Variants in ARHGAP24 observed in about 807,000 individuals in gnomAD.
The protein encoded by ARHGAP24 is rho GTPase-activating protein 24.
A neutral mutation model predicts 76.4 loss-of-function variants in ARHGAP24; 50 were observed. That is an observed-to-expected ratio of 0.65 (90% confidence interval 0.52 to 0.83). The LOEUF (loss-of-function observed/expected upper bound fraction) is 0.83. Ranked by LOEUF, ARHGAP24 falls within the 40% of genes least tolerant of loss-of-function variation. The pLI is 0.00. For synonymous variants in ARHGAP24, 345 were observed against 323.3 expected, an observed-to-expected ratio of 1.07 and a Z score of -0.72; for missense variants, 930 against 914.2, an observed-to-expected ratio of 1.02 and a Z score of -0.22.
intron 3 of ARHGAP24, among the ~76,000 whole-genome samples, chr4:85,742,528 G>A (rs767992137): frequency 1.1e-4 from 16 of 152,202 alleles, no homozygotes; most frequent in Admixed American, 7.2e-4. Context: ...ATGTATAGAC[G>A]TATAGATTGA....
At chr4:85,477,721 C>G (rs1722654506) in intron 1 of ARHGAP24, among the ~76,000 whole-genome samples, 1 of 152,092 alleles carries the variant, frequency 6.6e-6, no homozygotes, top group Admixed American at 6.5e-5. Flanking sequence ...ACCAACAGTT[C>G]CCTTAATATT....
intron 2 of ARHGAP24, among the ~76,000 whole-genome samples, chr4:85,612,564 A>G (rs568459200): frequency 3.3e-5 from 5 of 152,228 alleles, no homozygotes; most frequent in East Asian, 1.9e-4. Flanking sequence ...ACTAAAAGGA[A>G]TGCTTTTTAT....
chr4:85,676,636 G>A (rs1249312695), intron 2 of ARHGAP24, among the ~76,000 whole-genome samples: 1 of 151,990 alleles, frequency 6.6e-6, no homozygotes, highest in Non-Finnish European at 1.5e-5. Context: ...TGGCTCCCAA[G>A]GACCTATTGT....
At chr4:85,871,153 C>T (rs181409538) in intron 3 of ARHGAP24, among the ~76,000 whole-genome samples, 17 of 152,106 alleles carry the variant, frequency 1.1e-4, no homozygotes, top group Non-Finnish European at 1.5e-5. Flanking sequence ...GGTTTAACCC[C>T]TACAATTGTT....
chr4:85,577,491 A>G (rs574648090), intron 2 of ARHGAP24, among the ~76,000 whole-genome samples: 445 of 152,240 alleles, frequency 2.9e-3, no homozygotes, highest in Non-Finnish European at 4.5e-3. Flanking sequence ...ACATTTTGTT[A>G]GTTAGATAGT....
chr4:85,904,826 A>G (rs749234040), intron 3 of ARHGAP24, among the ~76,000 whole-genome samples: 24 of 152,228 alleles, frequency 1.6e-4, no homozygotes, highest in Non-Finnish European at 3.1e-4. Flanking sequence ...CTAAACTACT[A>G]AAAGTGCTCT....
intron 3 of ARHGAP24, among the ~76,000 whole-genome samples, chr4:85,805,087 G>A (rs17395916): frequency 0.26 from 40,281 of 152,078 alleles, 6,860 homozygotes; most frequent in Non-Finnish European, 0.39. Context: ...TAGCAAATAC[G>A]AATGCAAGTT....
intron 5 of ARHGAP24, among the ~76,000 whole-genome samples, chr4:85,948,130 CT>C (rs1248937723): frequency 6.6e-6 from 1 of 151,712 alleles, no homozygotes; most frequent in African/African-American, 2.4e-5. Context: ...ATCTCTTATT[CT>C]TATTACATCT....
chr4:85,596,582 C>CTGT (rs70948738), intron 2 of ARHGAP24, among the ~76,000 whole-genome samples: 81,642 of 151,488 alleles, frequency 0.54, 23,175 homozygotes, highest in Non-Finnish European at 0.64. Flanking sequence ...AGTTAAAATC[C>CTGT]TGTATGTGTT....
intron 2 of ARHGAP24, among the ~76,000 whole-genome samples, chr4:85,605,604 A>T (rs1720167335): frequency 6.6e-6 from 1 of 152,200 alleles, no homozygotes; most frequent in African/African-American, 2.4e-5. Flanking sequence ...GAAATGGAAA[A>T]TGCTTATGAG....
intron 3 of ARHGAP24, among the ~76,000 whole-genome samples, chr4:85,796,047 C>T (rs937341870): frequency 2.0e-5 from 3 of 152,136 alleles, no homozygotes; most frequent in Non-Finnish European, 4.4e-5. Flanking sequence ...AGGTATGCTG[C>T]ATGAAACATG....
At chr4:85,857,802 G>C (rs748352453) in intron 3 of ARHGAP24, among the ~76,000 whole-genome samples, 2 of 152,078 alleles carry the variant, frequency 1.3e-5, no homozygotes, top group Admixed American at 1.3e-4. Context: ...GGTTGCAGAG[G>C]GGGCAATAGA....
intron 3 of ARHGAP24, among the ~76,000 whole-genome samples, chr4:85,865,303 G>A (rs574158298): frequency 3.3e-4 from 50 of 151,786 alleles, no homozygotes; most frequent in Non-Finnish European, 5.2e-4. Flanking sequence ...TGAGTTGGCA[G>A]GTAAGGTAAA....
chr4:85,475,463 C>G lies in ARHGAP24; in HGVS notation c.-117C>G, dbSNP rs1722538899. ...GTGGAAAGTAAAGGAGCCTCACTACCACCTTTTTTTCTTTGCGTTTTCTTA... is the reference window on the plus strand; with the variant it reads ...GTGGAAAGTAAAGGAGCCTCACTACGACCTTTTTTTCTTTGCGTTTTCTTA... On this transcript the variant is annotated 5_prime_UTR_variant, in exon 1 of 10. Transcript: ENST00000395184. The G allele has an allele frequency of 6.5e-6, 1 of 152,708 alleles. No homozygotes were observed. Among genetic ancestry groups the G allele is most frequent in the African/African-American group, 2.4e-5 (1 of 41,426 alleles). 9.5% of individuals were successfully genotyped at this position (152,708 alleles called of 1,614,324 possible).
At chr4:85,794,368 A>G (rs1195832381) in intron 3 of ARHGAP24, among the ~76,000 whole-genome samples, 1 of 152,260 alleles carries the variant, frequency 6.6e-6, no homozygotes, top group Non-Finnish European at 1.5e-5. Flanking sequence ...TTGTAATATT[A>G]TTAAGCCAGT....
intron 3 of ARHGAP24, among the ~76,000 whole-genome samples, chr4:85,798,523 C>CA (rs1465053439): frequency 6.6e-6 from 1 of 151,860 alleles, no homozygotes; most frequent in Non-Finnish European, 1.5e-5. Context: ...CCCCACAATG[C>CA]AAAAAACATG....
chr4:85,674,587 G>C (rs1722911779), intron 2 of ARHGAP24, among the ~76,000 whole-genome samples: 1 of 152,112 alleles, frequency 6.6e-6, no homozygotes, highest in African/African-American at 2.4e-5. Context: ...CACACAGTTA[G>C]TAAGCAGAGA....
At chr4:85,577,203 T>C (rs1727413687) in intron 2 of ARHGAP24, among the ~76,000 whole-genome samples, 1 of 148,594 alleles carries the variant, frequency 6.7e-6, no homozygotes, top group Non-Finnish European at 1.5e-5. Flanking sequence ...GAAATATATA[T>C]ATTTATATTT....
chr4:85,885,643 A>G (rs1733522194), intron 3 of ARHGAP24, among the ~76,000 whole-genome samples: 2 of 152,128 alleles, frequency 1.3e-5, no homozygotes, highest in South Asian at 4.1e-4. Context: ...ACTTATTTAT[A>G]TCTTTTAAAA....
Sources: allele counts gnomAD v4.1 joint callset (sites outside exome capture counted in the v4.1 genomes callset), GRCh38; gene constraint gnomAD v4.1.1; transcripts MANE v1.5; gene names NCBI Gene and HGNC (gene_info 2026-07-23, HGNC 2026-07-21).